Variants in PCDH9 observed in about 807,000 individuals in gnomAD.
PCDH9 encodes the protein protocadherin-9.
PCDH9 carries 24 observed loss-of-function variants against 70.6 expected under a neutral mutation model. The observed-to-expected ratio is 0.34, with a 90% CI of 0.25 to 0.48. The LOEUF (loss-of-function observed/expected upper bound fraction) is 0.48. Among genes scored for constraint, PCDH9 ranks in the 20% least tolerant of loss-of-function variants. PCDH9 has a pLI of 0.99. For synonymous variants in PCDH9, 562 were observed against 558.5 expected (o/e 1.01, Z -0.09); for missense variants, 1,281 against 1,503.6 (o/e 0.85, Z 2.45).
chr13:66,912,201 A>C (rs1015942984), intron 2 of PCDH9, among the ~76,000 whole-genome samples: 1 of 152,152 alleles, frequency 6.6e-6, no homozygotes, highest in African/African-American at 2.4e-5. Context: ...AAGACTTCAG[A>C]GATGGAAAAA....
chr13:66,921,654 G>T (rs1425386159), intron 2 of PCDH9, among the ~76,000 whole-genome samples: 2 of 151,202 alleles, frequency 1.3e-5, no homozygotes, highest in Non-Finnish European at 3.0e-5. Flanking sequence ...TTCACTGGGA[G>T]CATAAAAAAA....
At chr13:67,092,243 G>C (rs760688618) in intron 2 of PCDH9, among the ~76,000 whole-genome samples, 17 of 151,814 alleles carry the variant, frequency 1.1e-4, no homozygotes, top group Admixed American at 5.2e-4. Context: ...TGTATTTCTG[G>C]CTTATGATAC....
intron 2 of PCDH9, among the ~76,000 whole-genome samples, chr13:67,093,746 A>G (rs1335301219): frequency 2.6e-5 from 4 of 152,156 alleles, no homozygotes; most frequent in Non-Finnish European, 5.9e-5. Flanking sequence ...GCTGTCAGCC[A>G]TTTGGACCAT....
chr13:66,683,418 C>T (rs1396699642), intron 3 of PCDH9, among the ~76,000 whole-genome samples: 1 of 152,140 alleles, frequency 6.6e-6, no homozygotes, highest in Non-Finnish European at 1.5e-5. Context: ...AATGTTCCCA[C>T]TTCCCCTCTC....
At chr13:66,830,016 C>T (rs760954743) in intron 3 of PCDH9, among the ~76,000 whole-genome samples, 82 of 151,936 alleles carry the variant, frequency 5.4e-4, no homozygotes, top group Non-Finnish European at 9.4e-4. Context: ...ACAATTTGGT[C>T]TAGCCAAGTG....
intron 2 of PCDH9, among the ~76,000 whole-genome samples, chr13:67,164,714 G>A (rs913771510): frequency 1.1e-4 from 17 of 152,210 alleles, no homozygotes; most frequent in African/African-American, 4.1e-4. Context: ...GATGGATAGA[G>A]CCTGTTTTCA....
chr13:66,425,768 G>A (rs1306032420), intron 4 of PCDH9, among the ~76,000 whole-genome samples: 1 of 151,614 alleles, frequency 6.6e-6, no homozygotes, highest in Non-Finnish European at 1.5e-5. Context: ...AATCATTCTG[G>A]TTAGAATGAC....
chr13:66,771,439 A>G (rs113172038), intron 3 of PCDH9, among the ~76,000 whole-genome samples: 2,756 of 151,984 alleles, frequency 0.018, 76 homozygotes, highest in African/African-American at 0.063. Flanking sequence ...ATAGTTTGCC[A>G]TGGTTCCTGC....
chr13:66,992,233 C>T (rs1285699934), intron 2 of PCDH9, among the ~76,000 whole-genome samples: 1 of 152,170 alleles, frequency 6.6e-6, no homozygotes, highest in Non-Finnish European at 1.5e-5. Flanking sequence ...CTACTGATAA[C>T]TGCACTCTTC....
intron 3 of PCDH9, among the ~76,000 whole-genome samples, chr13:66,809,232 G>A (rs2080460549): frequency 6.6e-6 from 1 of 152,266 alleles, no homozygotes; most frequent in South Asian, 2.1e-4. Context: ...ACAGGCATGA[G>A]CCACCGCGCC....
intron 4 of PCDH9, among the ~76,000 whole-genome samples, chr13:66,345,548 G>A (rs1226023071): frequency 6.6e-6 from 1 of 152,068 alleles, no homozygotes; most frequent in African/African-American, 2.4e-5. Flanking sequence ...AGGCAACGAG[G>A]CCCTTCAAGA....
At chr13:66,886,335 A>C (rs1393347295) in intron 3 of PCDH9, among the ~76,000 whole-genome samples, 2 of 152,104 alleles carry the variant, frequency 1.3e-5, no homozygotes, top group African/African-American at 4.8e-5. Context: ...TTTACCTTCC[A>C]ACCTCCCGCG....
At chr13:66,689,882 G>C (rs540085196) in intron 3 of PCDH9, among the ~76,000 whole-genome samples, 1 of 152,230 alleles carries the variant, frequency 6.6e-6, no homozygotes, top group South Asian at 2.1e-4. Flanking sequence ...GAGTTTTATT[G>C]AATGTTTCTT....
At chr13:67,051,785 T>G (rs2085329931) in intron 2 of PCDH9, among the ~76,000 whole-genome samples, 2 of 152,172 alleles carry the variant, frequency 1.3e-5, no homozygotes, top group Admixed American at 6.5e-5. Flanking sequence ...CTCTCTTTTC[T>G]TCCTTATATA....
chr13:67,041,810 C>G (rs7317083), intron 2 of PCDH9, among the ~76,000 whole-genome samples: 100,455 of 146,144 alleles, frequency 0.69, 34,669 homozygotes, highest in African/African-American at 0.71. Context: ...CAGCCTGGGC[C>G]ACAGAGTGAG....
intron 3 of PCDH9, among the ~76,000 whole-genome samples, chr13:66,887,233 G>C (rs1251797568): frequency 6.6e-6 from 1 of 151,738 alleles, no homozygotes; most frequent in Non-Finnish European, 1.5e-5. Flanking sequence ...TCCCAATAAA[G>C]CTGAGCAGCT....
At chr13:66,459,481 T>A (rs1958380029) in intron 4 of PCDH9, among the ~76,000 whole-genome samples, 1 of 151,964 alleles carries the variant, frequency 6.6e-6, no homozygotes, top group African/African-American at 2.4e-5. Context: ...GTTTTTTTTT[T>A]ATATTTTAGT....
intron 3 of PCDH9, among the ~76,000 whole-genome samples, chr13:66,810,558 T>G (rs910831134): frequency 1.3e-5 from 2 of 152,032 alleles, no homozygotes; most frequent in Admixed American, 1.3e-4. Flanking sequence ...TAGCTATTAA[T>G]ATTGCTTATG....
chr13:66,341,422 T>G (rs1956122039), intron 4 of PCDH9, among the ~76,000 whole-genome samples: 1 of 152,140 alleles, frequency 6.6e-6, no homozygotes, highest in African/African-American at 2.4e-5. Context: ...ATACTTGCTT[T>G]TAAATGCTGC....
Sources: allele counts gnomAD v4.1 joint callset (sites outside exome capture counted in the v4.1 genomes callset), GRCh38; gene constraint gnomAD v4.1.1; transcripts MANE v1.5; gene names NCBI Gene and HGNC (gene_info 2026-07-23, HGNC 2026-07-21).